Variants in MTHFSD observed in about 807,000 individuals in gnomAD.
The protein encoded by MTHFSD is methenyltetrahydrofolate synthase domain-containing protein.
In MTHFSD, 37 loss-of-function variants were observed where a neutral mutation model predicts 31.1. The ratio of observed to expected loss-of-function variants is 1.19; its 90% CI spans 0.91 to 1.56. The LOEUF is 1.56. MTHFSD is among the 40% of genes most tolerant of loss of function. The probability of loss-of-function intolerance (pLI) is 0.00; values close to 1 mark genes in which losing one functional copy is unlikely to be tolerated. For missense variants in MTHFSD, 664 were observed against 510.1 expected (o/e 1.30, Z -2.91); for synonymous variants, 221 against 206.9 (o/e 1.07, Z -0.59).
chr16:86,535,896 C>T (rs114212618), intron 7 of MTHFSD, among the ~76,000 whole-genome samples: 3,354 of 152,234 alleles, frequency 0.022, 124 homozygotes, highest in African/African-American at 0.076. Context: ...GTCACCCAGG[C>T]TGGAGTACAG....
rs569988368 is a variant in MTHFSD at position 86,531,915 on chromosome 16, C to G, written c.*96G>C. 261 of 829,248 alleles carry G rather than the reference C, an allele frequency of 3.1e-4. No homozygotes were observed. In the East Asian group the frequency reaches 8.0e-3, roughly 26 times the overall value. 51.4% of individuals were successfully genotyped at this position (829,248 alleles called of 1,614,324 possible). On this transcript the variant is annotated 3_prime_UTR_variant, in exon 8 of 8. Transcript: ENST00000360900. This position sits in a 1 kb window ranked among gnomAD's most constrained non-coding sequence, Gnocchi z 5.5. Reference sequence around the variant, plus strand: ...AGCAGCTCAGGCGGTGGCTCCGACACGTCTTGCCACGCAGGCCTCTCGAGT... The same window carrying G: ...AGCAGCTCAGGCGGTGGCTCCGACAGGTCTTGCCACGCAGGCCTCTCGAGT...
At chr16:86,552,694 C>T (rs1054650942) in intron 2 of MTHFSD, among the ~76,000 whole-genome samples, 1 of 152,190 alleles carries the variant, frequency 6.6e-6, no homozygotes, top group African/African-American at 2.4e-5. Flanking sequence ...ACATTTCTCT[C>T]TCTGGGGTCA....
intron 7 of MTHFSD, among the ~76,000 whole-genome samples, chr16:86,538,064 G>C (rs932353095): frequency 2.0e-5 from 3 of 152,236 alleles, no homozygotes; most frequent in African/African-American, 7.2e-5. Context: ...TTGTGGGTCT[G>C]GTGACGGGGA....
At chr16:86,547,411 T>C (rs1014763893) in intron 4 of MTHFSD, 14 of 985,670 alleles carry the variant, frequency 1.4e-5, no homozygotes, top group African/African-American at 1.7e-5. Context: ...GGGATCTGCC[T>C]GCAGTGCTAT....
intron 7 of MTHFSD, among the ~76,000 whole-genome samples, chr16:86,538,637 T>G (rs895293780): frequency 6.6e-6 from 1 of 152,320 alleles, no homozygotes; most frequent in East Asian, 1.9e-4. Context: ...ACAGACTACC[T>G]GACACACGGC....
At position 86,546,582 on chromosome 16, in the gene MTHFSD, C is replaced by G; in HGVS notation, c.419G>C (p.Gly140Ala). 6.2e-7 allele frequency: 1 copy of G among 1,613,996 alleles called. No individual in the cohort carries two copies. The highest frequency in any genetic ancestry group is 8.5e-7 in the Non-Finnish European group (1 of 1,180,026). Residue 140 changes from glycine to alanine, a missense_variant, in exon 5 of 8, where the codon GGA (glycine) becomes GCA (alanine). Transcript: ENST00000360900. ...SRVLVDLVVV[G>A]SVAVSEKGWR... ...ACCTTTTTCAGAAACGGCGACGGAT[C>G]CCACCACAACTAAATCCACGAGGAC...
intron 7 of MTHFSD, among the ~76,000 whole-genome samples, chr16:86,534,867 G>T (rs766640165): frequency 7.9e-5 from 12 of 152,144 alleles, no homozygotes; most frequent in Non-Finnish European, 1.3e-4. Flanking sequence ...CACCCTCCGG[G>T]TAAGCACTGC....
At chr16:86,534,861 C>T (rs1312049822) in intron 7 of MTHFSD, among the ~76,000 whole-genome samples, 1 of 152,136 alleles carries the variant, frequency 6.6e-6, no homozygotes, top group East Asian at 1.9e-4. Context: ...AGGATGCACC[C>T]TCCGGGTAAG....
Position 86,535,487 on chromosome 16 carries a change from A to G in MTHFSD, c.682-3006T>C, listed in dbSNP as rs73270573. ...CAGTGCTACTGTTTCCTGGCTGGCA[A>G]TGAGGAATAGTTGTTACATTCTGTC... On this transcript the variant is annotated intron_variant, in intron 7 of 7. Coordinates refer to ENST00000360900, the MANE Select transcript of MTHFSD (RefSeq NM_001159377.2). The G allele has an allele frequency of 1.3e-3, 1,282 of 985,432 alleles. 11 individuals carry two copies. The African/African-American group carries it at 0.021, about 16-fold the overall frequency. The allele number at this position is 985,432 out of a possible 1,614,324, so 61.0% of individuals were successfully genotyped here. A position where few individuals can be genotyped will look rare whatever the true frequency, so the allele number is the denominator to read the frequency against.
rs776839153 is a variant in MTHFSD at position 86,541,648 on chromosome 16, G to C, written c.681+49C>G. The C allele has an allele frequency of 4.4e-6, 7 of 1,587,530 alleles. No homozygotes were observed. In the South Asian group the frequency reaches 8.0e-5, roughly 18 times the overall value. On this transcript the variant is annotated intron_variant, in intron 7 of 7. Transcript: ENST00000360900. ...TGCCAGACAGAAAACACTTAAAAGA[G>C]GAGGAGCCGCTAAGCTACAGGCCAG...
chr16:86,548,128 G>A (rs1205926293), intron 4 of MTHFSD: 8 of 1,299,462 alleles, frequency 6.2e-6, no homozygotes, highest in Non-Finnish European at 8.0e-6. Context: ...AACAGGCCGG[G>A]AATAAGAAAA....
At position 86,542,119 on chromosome 16, in the gene MTHFSD, G is replaced by A; in HGVS notation, c.537C>T (p.Thr179=). The part of the protein sequence containing the change: ...GAVSKETPVV[T]IVHDCQVVDI... ...GGAGCACCTGGCAGTCGTGGACGAT[G>A]GTGACCACCGGCGTCTCCTTGCTGA... Residue 179 remains threonine (T), a synonymous_variant, in exon 6 of 8, where the codon ACC becomes ACT. Transcript: ENST00000360900. This position sits in a 1 kb window ranked among gnomAD's most constrained non-coding sequence, Gnocchi z 4.6. 8 of 1,613,604 alleles carry A rather than the reference G, an allele frequency of 5.0e-6. No individual in the cohort carries two copies. The highest frequency in any genetic ancestry group is 6.8e-6 in the Non-Finnish European group (8 of 1,179,964).
intron 2 of MTHFSD, 130 bp downstream of exon 2, chr16:86,554,510 CTTTGA>C: frequency 1.4e-6 from 1 of 727,764 alleles, no homozygotes. Flanking sequence ...GGCCAAATGG[CTTTGA>C]TTTCACACCA....
chr16:86,555,116 C>T (rs1973907049), intron 1 of MTHFSD, 53 bp downstream of exon 1: 2 of 1,528,350 alleles, frequency 1.3e-6, no homozygotes, highest in East Asian at 2.5e-5. Flanking sequence ...CTCACCGGTC[C>T]CGGCTGTCCC....
intron 7 of MTHFSD, chr16:86,535,484 G>T: frequency 3.0e-6 from 3 of 985,410 alleles, no homozygotes; most frequent in South Asian, 4.7e-5. Context: ...TTCCTGGCTG[G>T]CAATGAGGAA....
intron 3 of MTHFSD, among the ~76,000 whole-genome samples, chr16:86,550,809 C>A (rs941277600): frequency 6.6e-6 from 1 of 152,206 alleles, no homozygotes; most frequent in African/African-American, 2.4e-5. Context: ...ACATGGAAGT[C>A]TCTCTTGGGG....
intron 7 of MTHFSD, among the ~76,000 whole-genome samples, chr16:86,537,708 A>C (rs1004748656): frequency 6.6e-6 from 1 of 152,138 alleles, no homozygotes; most frequent in African/African-American, 2.4e-5. Context: ...CTGTTCTCAA[A>C]TCCTTTTTCT....
At chr16:86,545,022 C>T (rs1183732368) in intron 5 of MTHFSD, among the ~76,000 whole-genome samples, 1 of 152,120 alleles carries the variant, frequency 6.6e-6, no homozygotes. Flanking sequence ...CATATGGACA[C>T]AGGGAGGGGA....
intron 7 of MTHFSD, among the ~76,000 whole-genome samples, chr16:86,534,414 A>G (rs1037734724): frequency 6.6e-6 from 1 of 152,152 alleles, no homozygotes; most frequent in East Asian, 1.9e-4. Context: ...TTCTGCCGCA[A>G]AACCCCAAGT....
Sources: gnomAD v4.1 joint callset for allele counts (sites outside exome capture counted in the v4.1 genomes callset) on GRCh38, gnomAD v4.1.1 for gene constraint, Gnocchi (gnomAD v3.1) non-coding constraint, MANE v1.5 for transcripts, NCBI Gene and HGNC (gene_info 2026-07-23, HGNC 2026-07-21) for gene names.